MROH2A: variants seen among roughly 807,000 people sequenced by gnomAD.
MROH2A encodes the protein maestro heat-like repeat-containing protein family member 2A.
MROH2A carries 174 observed loss-of-function variants against 200.4 expected under a neutral mutation model. The ratio of observed to expected loss-of-function variants is 0.87; its 90% CI spans 0.77 to 0.98. The LOEUF (loss-of-function observed/expected upper bound fraction) is 0.98. Ranked by LOEUF, MROH2A falls within the 50% of genes least tolerant of loss-of-function variation. The probability of loss-of-function intolerance (pLI) is 0.00; values close to 1 mark genes in which losing one functional copy is unlikely to be tolerated. For synonymous variants in MROH2A, 829 were observed against 840.4 expected (o/e 0.99, Z 0.23); for missense variants, 2,045 against 2,139.6 (o/e 0.96, Z 0.87).
chr2:233,791,532 G>A (rs189143907), intron 5 of MROH2A, among the ~76,000 whole-genome samples: 20 of 152,226 alleles, frequency 1.3e-4, no homozygotes, highest in South Asian at 8.3e-4. Context: ...GATTTGTGGC[G>A]CGGAGTTCAG....
chr2:233,818,536 T>G, intron 28 of MROH2A, 116 bp from the exon 29 acceptor site: 3 of 737,062 alleles, frequency 4.1e-6, no homozygotes, highest in Non-Finnish European at 7.4e-6. Context: ...GCCTGGGACG[T>G]TCACATGCTG....
At chr2:233,787,525 T>TTATATA (rs1203279462) in intron 3 of MROH2A, among the ~76,000 whole-genome samples, 27 of 121,316 alleles carry the variant, frequency 2.2e-4, no homozygotes, top group African/African-American at 8.2e-4. Context: ...TACATATATA[T>TTATATA]TACATATATC....
chr2:233,777,944 A>G (rs1280164994), upstream of MROH2A, among the ~76,000 whole-genome samples: 2 of 152,132 alleles, frequency 1.3e-5, no homozygotes, highest in African/African-American at 4.8e-5. Flanking sequence ...CCAATTTCTT[A>G]TCCTGCAAGT....
Position 233,796,325 on chromosome 2 carries a change from AGGGTGGGTGGGGTGGGCGGGGAGGGTG to A in MROH2A, c.1252+17_1252+43del. On this transcript the variant is annotated intron_variant, in intron 11 of 41. Transcript: ENST00000389758. ...AGTGAGCGCAGATGGTGAGCAAGGC[AGGGTGGGTGGGGTGGGCGGGGAGGGTG>A]GGGTAGGCAGGGTGGAGAACAAGGG... 6.2e-5 allele frequency: 1 copy of A among 16,158 alleles called. No homozygotes were observed. Among genetic ancestry groups the A allele is most frequent in the Non-Finnish European group, 1.8e-4 (1 of 5,638 alleles). 1.0% of individuals were successfully genotyped at this position (16,158 alleles called of 1,614,324 possible).
Position 233,829,012 on chromosome 2 carries a change from A to G in MROH2A, c.4386A>G (p.Glu1462=), listed in dbSNP as rs768257827. The change falls in exon 37 of 42, where the codon GAA becomes GAG. Residue 1462 remains glutamate (E), a synonymous_variant. Transcript: ENST00000389758. The part of the protein sequence containing the change: ...ALTKILAELR[E]GDVGSSFDAM... ...CCAAGATCCTGGCTGAGCTCCGGGA[A>G]GGGGATGTGGGGTCCTCTTTCGACG... 7 of 1,550,306 alleles carry G rather than the reference A, an allele frequency of 4.5e-6. No homozygotes were observed.
At chr2:233,785,463 G>A (rs1278566041) in intron 3 of MROH2A, among the ~76,000 whole-genome samples, 2 of 91,306 alleles carry the variant, frequency 2.2e-5, no homozygotes, top group East Asian at 3.2e-4. Context: ...GCGAGACTTT[G>A]TCTCAAAAAA....
chr2:233,779,958 G>T, intron 3 of MROH2A, 106 bp downstream of exon 3: 1 of 962,506 alleles, frequency 1.0e-6, no homozygotes, highest in Non-Finnish European at 1.5e-6. Flanking sequence ...GTGTGGTACT[G>T]GGATACAGAG....
chr2:233,822,278 C>G lies in MROH2A; in HGVS notation c.3667C>G (p.Leu1223Val). The change falls in exon 32 of 42, where the codon CTG (leucine) becomes GTG (valine). Residue 1223 changes from leucine to valine, a missense_variant. Leu to Val is a conservative substitution (Grantham distance 32). Transcript: ENST00000389758. The part of the protein sequence containing the change: ...DIWRLAAVDP[L>V]MTLCTIHLLI... ...CTGGCGCCTGGCTGCGGTGGACCCCCTGATGGTGAGTTGCAGGCGCAGGCC... is the reference window on the plus strand; with the variant it reads ...CTGGCGCCTGGCTGCGGTGGACCCCGTGATGGTGAGTTGCAGGCGCAGGCC... The G allele has an allele frequency of 6.5e-7, 1 of 1,547,674 alleles. No individual in the cohort carries two copies. Among genetic ancestry groups the G allele is most frequent in the Non-Finnish European group, 8.7e-7 (1 of 1,146,914 alleles).
chr2:233,819,287 G>A (rs750443953), intron 29 of MROH2A, 30 bp from the exon 30 acceptor site: 4 of 1,540,898 alleles, frequency 2.6e-6, no homozygotes, highest in Admixed American at 2.0e-5. Context: ...TGGCAGGGGA[G>A]GGCAGGGGAG....
At chr2:233,798,700 C>T in intron 11 of MROH2A, 74 bp from the exon 12 acceptor site, 1 of 1,066,630 alleles carries the variant, frequency 9.4e-7, no homozygotes, top group South Asian at 1.3e-5. Flanking sequence ...GAACGTGAGG[C>T]CCTGATGTGG....
intron 6 of MROH2A, 46 bp downstream of exon 6, chr2:233,792,940 C>T (rs185220247): frequency 1.6e-4 from 253 of 1,533,976 alleles, no homozygotes; most frequent in African/African-American, 1.1e-3. Context: ...ATCAGGGCGC[C>T]GGAGGGAGAC....
upstream of MROH2A, among the ~76,000 whole-genome samples, chr2:233,778,083 T>C (rs1237759807): frequency 1.3e-5 from 2 of 152,134 alleles, no homozygotes; most frequent in Non-Finnish European, 2.9e-5. Context: ...TGGGACTTGG[T>C]TGTAAGCCAT....
At position 233,778,511 on chromosome 2, in the gene MROH2A, T is replaced by C. The variant is rs34938070; in HGVS notation, c.-15+30T>C. The C allele has an allele frequency of 6.7e-3, 1,140 of 169,334 alleles. 8 individuals are homozygous for C. Among genetic ancestry groups the C allele is most frequent in the Non-Finnish European group, 0.011 (761 of 68,280 alleles). 10.5% of individuals were successfully genotyped at this position (169,334 alleles called of 1,614,324 possible). ...GTATTTAGGTCCCAGAGTAGCTCTT[T>C]AAAATCCTTTAAAGGAAAAGAGAGT... On this transcript the variant is annotated intron_variant, in intron 1 of 41. Coordinates refer to ENST00000389758, the MANE Select transcript of MROH2A (RefSeq NM_001394639.1).
rs1259185391 is a variant in MROH2A, at chr2:233,818,086, GC to G, written c.3048del (p.Ser1017GlnfsTer2). The G allele has an allele frequency of 6.4e-7, 1 of 1,550,960 alleles. No individual in the cohort carries two copies. The highest frequency in any genetic ancestry group is 1.2e-5 in the South Asian group (1 of 84,068). ...TCDAHQRTRMASMNVLSSLLD... is the reference protein window; with the variant it reads ...TCDAHQRTRMXSMNVLSSLLD... Reference sequence around the variant, plus strand: ...TGATGCCCATCAAAGAACCCGCATGGCCTCAATGAATGTCCTGTCCAGCCTG... The same window carrying G: ...TGATGCCCATCAAAGAACCCGCATGGCTCAATGAATGTCCTGTCCAGCCTG... On this transcript the variant is annotated frameshift_variant, in exon 28 of 42. Coordinates refer to ENST00000389758, the MANE Select transcript of MROH2A (RefSeq NM_001394639.1). LOFTEE classifies it high-confidence loss of function.
chr2:233,806,201 TAGA>T (rs1169723375), intron 19 of MROH2A, among the ~76,000 whole-genome samples: 1 of 152,204 alleles, frequency 6.6e-6, no homozygotes, highest in African/African-American at 2.4e-5. Flanking sequence ...ATGGAACAAC[TAGA>T]AGAATATATT....
At chr2:233,808,187 C>G (rs1399662707) in intron 21 of MROH2A, among the ~76,000 whole-genome samples, 2 of 151,900 alleles carry the variant, frequency 1.3e-5, no homozygotes, top group Non-Finnish European at 2.9e-5. Context: ...CCACACAGAC[C>G]CACAGGATTT....
At chr2:233,831,677 G>A in intron 39 of MROH2A, 137 bp downstream of exon 39, 2 of 959,514 alleles carry the variant, frequency 2.1e-6, no homozygotes, top group South Asian at 1.8e-5. Flanking sequence ...GACCGGCACT[G>A]TGCAGCAGAA....
At chr2:233,797,193 G>A (rs140808653) in intron 11 of MROH2A, among the ~76,000 whole-genome samples, 1 of 152,168 alleles carries the variant, frequency 6.6e-6, no homozygotes, top group African/African-American at 2.4e-5. Flanking sequence ...TGCTAGTCTA[G>A]GGTGACAAGA....
chr2:233,822,610 C>T (rs1704022696), intron 33 of MROH2A, 54 bp downstream of exon 33: 51 of 1,515,660 alleles, frequency 3.4e-5, no homozygotes, highest in South Asian at 1.2e-4. Flanking sequence ...GCTGTAGCCA[C>T]GGGCTGCCCC....
Sources: gnomAD v4.1 joint callset for allele counts (sites outside exome capture counted in the v4.1 genomes callset) on GRCh38, gnomAD v4.1.1 for gene constraint, MANE v1.5 for transcripts, NCBI Gene and HGNC (gene_info 2026-07-23, HGNC 2026-07-21) for gene names.